The following TBC1D32 variants were observed in gnomAD, a reference collection of about 807,000 sequenced individuals.
The protein encoded by TBC1D32 is protein broad-minded.
A neutral mutation model predicts 170.3 loss-of-function variants in TBC1D32; 151 were observed. The observed-to-expected ratio is 0.89, with a 90% CI of 0.78 to 1.01. The LOEUF (loss-of-function observed/expected upper bound fraction) is 1.01, where lower values mean the gene tolerates loss of function less well. Among genes scored for constraint, TBC1D32 ranks in the 50% least tolerant of loss-of-function variants. The pLI is 0.00. For missense variants in TBC1D32, 1,464 were observed against 1,457.1 expected, an observed-to-expected ratio of 1.00 and a Z score of -0.08; for synonymous variants, 498 against 488.0, an observed-to-expected ratio of 1.02 and a Z score of -0.27.
intron 24 of TBC1D32, among the ~76,000 whole-genome samples, chr6:121,137,751 A>C (rs773100519): frequency 2.6e-5 from 4 of 151,934 alleles, no homozygotes; most frequent in Admixed American, 6.6e-5. Flanking sequence ...ACTATACAGA[A>C]AGAACTTCTG....
At chr6:121,320,530 C>A (rs984190369) in intron 2 of TBC1D32, among the ~76,000 whole-genome samples, 1 of 152,022 alleles carries the variant, frequency 6.6e-6, no homozygotes, top group African/African-American at 2.4e-5. Flanking sequence ...TAGAAACAGA[C>A]TTACTAGGAA....
In TBC1D32 at chr6:121,213,524, TAAATA is replaced by T. The variant is rs1554271961; in HGVS notation, c.2482-8366_2482-8362del. 6.8e-3 allele frequency among the ~76,000 whole-genome samples: 211 copies of T among 31,202 alleles called. 1 individual carries two copies. Among genetic ancestry groups the T allele is most frequent in the African/African-American group, 0.034 (195 of 5,790 alleles). 20.5% of individuals were successfully genotyped at this position (31,202 alleles called of 152,430 possible). On this transcript the variant is annotated intron_variant, in intron 21 of 31. Transcript: ENST00000398212. ...TAAAATAAAATAAAATAAAATAAAATAAATAAAATAAAATAAAATAAAATAAAATA... is the reference window on the plus strand; with the variant it reads ...TAAAATAAAATAAAATAAAATAAAATAAATAAAATAAAATAAAATAAAATA...
In TBC1D32 at chr6:121,241,515, A is replaced by G. The variant is rs961576594; in HGVS notation, c.2195T>C (p.Val732Ala). 1 of 1,613,586 alleles carries G rather than the reference A, an allele frequency of 6.2e-7. No homozygotes were observed. Among genetic ancestry groups the G allele is most frequent in the Non-Finnish European group, 8.5e-7 (1 of 1,179,746 alleles). Residue 732 changes from valine to alanine, a missense_variant, in exon 19 of 32, where the codon GTT becomes GCT. Physicochemically the swap from Val to Ala is moderately conservative, Grantham distance 64. Transcript: ENST00000398212. ...TGCTGCTGTTGATGCCACTCGTGTA[A>G]CCAAAACTCCATAGCCAAATTTTTT... is the stretch of plus-strand genomic sequence containing the variant. ...RHKKFGYGVLVTRVASTAAGG... is the reference protein window; with the variant it reads ...RHKKFGYGVLATRVASTAAGG...
At chr6:121,177,740 T>C (rs1787969415) in intron 22 of TBC1D32, among the ~76,000 whole-genome samples, 1 of 152,198 alleles carries the variant, frequency 6.6e-6, no homozygotes, top group East Asian at 1.9e-4. Flanking sequence ...AAGGTTTATA[T>C]GAAACATAAA....
chr6:121,251,000 T>G (rs1376464972), intron 17 of TBC1D32, among the ~76,000 whole-genome samples: 1 of 151,652 alleles, frequency 6.6e-6, no homozygotes, highest in Non-Finnish European at 1.5e-5. Context: ...GAAAATAAAA[T>G]ACCTAGGAAT....
chr6:121,263,396 C>T (rs575391572), intron 15 of TBC1D32, among the ~76,000 whole-genome samples: 41 of 152,144 alleles, frequency 2.7e-4, no homozygotes, highest in African/African-American at 4.8e-4. Context: ...GCTAACTATC[C>T]GAAATATACA....
intron 11 of TBC1D32, among the ~76,000 whole-genome samples, chr6:121,292,656 TA>T (rs1805045933): frequency 6.6e-6 from 1 of 152,168 alleles, no homozygotes; most frequent in African/African-American, 2.4e-5. Context: ...CATTCACATA[TA>T]TATACACAGA....
intron 15 of TBC1D32, among the ~76,000 whole-genome samples, chr6:121,274,945 T>A (rs1802018716): frequency 2.0e-5 from 3 of 152,040 alleles, no homozygotes; most frequent in African/African-American, 7.2e-5. Context: ...GACAGCTAAG[T>A]ACATTGAAAA....
At chr6:121,154,437 G>A (rs555029635) in intron 24 of TBC1D32, among the ~76,000 whole-genome samples, 27 of 152,296 alleles carry the variant, frequency 1.8e-4, no homozygotes, top group Middle Eastern at 3.4e-3. Flanking sequence ...TTCCTATTAC[G>A]CCATCTTGTC....
intron 15 of TBC1D32, among the ~76,000 whole-genome samples, chr6:121,272,424 CA>C (rs1583502569): frequency 6.6e-6 from 1 of 152,006 alleles, no homozygotes; most frequent in East Asian, 1.9e-4. Flanking sequence ...AAAAAACAAA[CA>C]ACCCCATCAA....
Position 121,317,634 on chromosome 6 carries a change from A to G in TBC1D32, c.356T>C (p.Ile119Thr). ...GTTAATCATAGACTCGACCACAGCT[A>G]TCATAATGTTCTTCAGGTAATGCAT... Reference protein sequence around the residue: ...EMMHYLKNIMIAVVESMINKF... With the variant: ...EMMHYLKNIMTAVVESMINKF... The change falls in exon 3 of 32, where the codon ATA (isoleucine) becomes ACA (threonine). Residue 119 changes from isoleucine to threonine, a missense_variant. Physicochemically the swap from Ile to Thr is moderately conservative, Grantham distance 89. This residue lies in a region of TBC1D32 where 1,363 missense variants were observed against 1,338.1 expected (regional missense o/e 1.02). Coordinates refer to ENST00000398212, the MANE Select transcript of TBC1D32 (RefSeq NM_152730.6). The G allele has an allele frequency of 6.2e-7, 1 of 1,610,974 alleles. No individual in the cohort carries two copies. The highest frequency in any genetic ancestry group is 8.5e-7 in the Non-Finnish European group (1 of 1,178,620).
intron 31 of TBC1D32, among the ~76,000 whole-genome samples, chr6:121,085,939 G>T (rs1776230299): frequency 6.6e-6 from 1 of 152,008 alleles, no homozygotes; most frequent in Non-Finnish European, 1.5e-5. Flanking sequence ...AGGTGTGAAG[G>T]TAATGTCATT....
chr6:121,285,957 G>T (rs1191325259), intron 12 of TBC1D32, among the ~76,000 whole-genome samples: 1 of 151,990 alleles, frequency 6.6e-6, no homozygotes, highest in East Asian at 1.9e-4. Flanking sequence ...CTAACAAACA[G>T]AAAGAACATC....
chr6:121,329,041 A>G (rs946092411), intron 1 of TBC1D32, among the ~76,000 whole-genome samples: 7 of 152,202 alleles, frequency 4.6e-5, no homozygotes, highest in Non-Finnish European at 1.0e-4. Context: ...CACACTTCAG[A>G]AGCAGCTCAA....
intron 16 of TBC1D32, 67 bp from the exon 17 acceptor site, chr6:121,255,477 T>TTATATTTATAATTATATTTTATAAG (rs2128394109): frequency 5.9e-6 from 2 of 340,220 alleles, no homozygotes; most frequent in South Asian, 6.7e-5. Flanking sequence ...TATTTTATAA[T>TTATATTTATAATTATATTTTATAAG]TATATTTATA....
chr6:121,168,658 C>T (rs1786458268), intron 22 of TBC1D32, among the ~76,000 whole-genome samples: 1 of 112,468 alleles, frequency 8.9e-6, no homozygotes, highest in African/African-American at 3.2e-5. Flanking sequence ...CACATGTATA[C>T]ATATGTAACT....
chr6:121,131,594 T>C, intron 25 of TBC1D32, 33 bp downstream of exon 25: 1 of 1,585,464 alleles, frequency 6.3e-7, no homozygotes, highest in Non-Finnish European at 8.6e-7. Flanking sequence ...TTTTCATACA[T>C]AAGAAAACCC....
At chr6:121,160,536 C>A (rs1360248523) in intron 23 of TBC1D32, among the ~76,000 whole-genome samples, 1 of 149,146 alleles carries the variant, frequency 6.7e-6, no homozygotes. Context: ...AATGAAAAAC[C>A]TTCATGAGAA....
rs1449130330 is a variant in TBC1D32 at position 121,223,308 on chromosome 6, A to G, written c.2409T>C (p.Tyr803=). 6.3e-7 allele frequency: 1 copy of G among 1,599,956 alleles called. No homozygotes were observed. The highest frequency in any genetic ancestry group is 8.5e-7 in the Non-Finnish European group (1 of 1,175,666). ...GAAGATCTTGATTCCTTACAAGCTC[A>G]TAAATAGCAGGATAGGATAACAAGT... ...LVNLLSYPAI[Y]ELVRNQDLPN... Residue 803 remains tyrosine, a synonymous_variant, in exon 21 of 32, where the codon TAT becomes TAC. Coordinates refer to ENST00000398212, the MANE Select transcript of TBC1D32 (RefSeq NM_152730.6).
Sources: allele counts gnomAD v4.1 joint callset (sites outside exome capture counted in the v4.1 genomes callset), GRCh38; gene constraint gnomAD v4.1.1; regional missense constraint gnomAD v4.1.1; transcripts MANE v1.5; gene names NCBI Gene and HGNC (gene_info 2026-07-23, HGNC 2026-07-21).